The following TMEM154 variants were observed in gnomAD, a reference collection of about 807,000 sequenced individuals.
TMEM154 encodes transmembrane protein 154.
Under a neutral mutation model 24.5 loss-of-function variants are expected in TMEM154, and 27 were observed. The observed-to-expected ratio is 1.10, with a 90% CI of 0.81 to 1.52. The LOEUF (loss-of-function observed/expected upper bound fraction) is 1.52, where lower values mean the gene tolerates loss of function less well. Among genes scored for constraint, TMEM154 ranks in the 40% most tolerant of loss-of-function variants. TMEM154 has a pLI of 0.00. For synonymous variants in TMEM154, 67 were observed against 76.8 expected (o/e 0.87, Z 0.67); for missense variants, 228 against 213.4 (o/e 1.07, Z -0.43).
In TMEM154 at chr4:152,679,924, G is replaced by A. The variant is rs780816816; in HGVS notation, c.10C>T (p.Pro4Ser). The change falls in exon 1 of 7, where the codon CCC (proline) becomes TCC (serine). Residue 4 changes from proline to serine, a missense_variant. Pro to Ser is a moderately conservative substitution (Grantham distance 74). Transcript: ENST00000304385. ...AGGGCGAAGACTAGGGCTGCGCGGG[G>A]AGCCTGCATGTCCGCTCGCCTCGGC... MQAPRAALVFALVI... is the reference protein window; with the variant it reads MQASRAALVFALVI... 49 of 1,610,024 alleles carry A rather than the reference G, an allele frequency of 3.0e-5. No homozygotes were observed. The highest frequency in any genetic ancestry group is 1.1e-4 in the South Asian group (10 of 90,058).
At chr4:152,643,027 C>T (rs1480578616) in intron 5 of TMEM154, 61 bp downstream of exon 5, 9 of 1,206,806 alleles carry the variant, frequency 7.5e-6, no homozygotes, top group Non-Finnish European at 1.1e-5. Flanking sequence ...ATTTATAAAG[C>T]TGTTGCAGCC....
At chr4:152,654,052 A>C (rs547990023) in intron 1 of TMEM154, among the ~76,000 whole-genome samples, 5 of 152,072 alleles carry the variant, frequency 3.3e-5, no homozygotes, top group Non-Finnish European at 5.9e-5. Context: ...AAAAAAAAGA[A>C]AAAGAAAAAA....
chr4:152,662,581 G>A (rs1412970276), intron 1 of TMEM154, among the ~76,000 whole-genome samples: 2 of 143,756 alleles, frequency 1.4e-5, no homozygotes, highest in African/African-American at 5.3e-5. Context: ...ACAAAAGTAT[G>A]GATGCGGAGG....
chr4:152,660,313 C>T (rs958504515), intron 1 of TMEM154, among the ~76,000 whole-genome samples: 8 of 151,934 alleles, frequency 5.3e-5, no homozygotes, highest in African/African-American at 9.7e-5. Flanking sequence ...GTGGTTGGTG[C>T]GGCTGATGGT....
At chr4:152,670,308 C>T (rs950148370) in intron 1 of TMEM154, among the ~76,000 whole-genome samples, 7 of 152,098 alleles carry the variant, frequency 4.6e-5, no homozygotes, top group African/African-American at 7.2e-5. Flanking sequence ...TTTGGGAGGC[C>T]GGGTGCGGTG....
intron 6 of TMEM154, among the ~76,000 whole-genome samples, chr4:152,636,643 C>T (rs12642676): frequency 0.8 from 122,015 of 152,182 alleles, 49,907 homozygotes; most frequent in East Asian, 0.97. Flanking sequence ...CCTGAGATTA[C>T]AGACCCTAAC....
intron 3 of TMEM154, chr4:152,646,452 GA>G (rs1419257464): frequency 6.4e-6 from 1 of 155,312 alleles, no homozygotes; most frequent in Admixed American, 6.4e-5. Context: ...GGCACACAAA[GA>G]GCAGAGCATT....
At chr4:152,664,374 TGG>T (rs201545894) in intron 1 of TMEM154, among the ~76,000 whole-genome samples, 7,684 of 98,312 alleles carry the variant, frequency 0.078, 259 homozygotes, top group Non-Finnish European at 0.1. Flanking sequence ...GGGCCTGTCG[TGG>T]CGGGGGGGTA....
chr4:152,672,913 A>G (rs192357336), intron 1 of TMEM154, among the ~76,000 whole-genome samples: 3 of 152,372 alleles, frequency 2.0e-5, no homozygotes, highest in East Asian at 1.9e-4. Context: ...ACTTATTTAT[A>G]TAAACATTAA....
At chr4:152,674,220 G>A (rs1245856359) in intron 1 of TMEM154, among the ~76,000 whole-genome samples, 1 of 152,096 alleles carries the variant, frequency 6.6e-6, no homozygotes, top group African/African-American at 2.4e-5. Context: ...CAACAAAGGT[G>A]TGGGCCCAGG....
In TMEM154 at chr4:152,620,512, T is replaced by C. The variant is rs1460004431; in HGVS notation, c.*8034A>G. On this transcript the variant is annotated 3_prime_UTR_variant, in exon 7 of 7. Coordinates refer to ENST00000304385, the MANE Select transcript of TMEM154 (RefSeq NM_152680.3). ...CTTGACAATGACTGAAACTTTTTTT[T>C]GTTTGTTTTTTTGTTGTTTTTTTTT... The C allele has an allele frequency of 1.9e-5, 2 of 107,542 alleles. No individual in the cohort carries two copies. Among genetic ancestry groups the C allele is most frequent in the Non-Finnish European group, 3.9e-5 (2 of 51,000 alleles). 6.7% of individuals were successfully genotyped at this position (107,542 alleles called of 1,614,324 possible). A position where few individuals can be genotyped will look rare whatever the true frequency, so the allele number is the denominator to read the frequency against.
chr4:152,640,629 T>C (rs1228482062), intron 6 of TMEM154, among the ~76,000 whole-genome samples: 3 of 152,206 alleles, frequency 2.0e-5, no homozygotes, highest in Admixed American at 2.0e-4. Context: ...CAGTTTGTCA[T>C]AATTGGAAAG....
chr4:152,646,185 G>T (rs1293302230), intron 3 of TMEM154, among the ~76,000 whole-genome samples: 1 of 152,014 alleles, frequency 6.6e-6, no homozygotes, highest in African/African-American at 2.4e-5. Flanking sequence ...GTGGCTGCAT[G>T]GCCCCACCGT....
rs1044995350 is a variant in TMEM154, at chr4:152,620,371, A to T, written c.*8175T>A. 1.3e-5 allele frequency: 2 copies of T among 152,118 alleles called. No homozygotes were observed. Among genetic ancestry groups the T allele is most frequent in the Admixed American group, 1.3e-4 (2 of 15,276 alleles). 9.4% of individuals were successfully genotyped at this position (152,118 alleles called of 1,614,324 possible). ...TCTAAGCCCTGGCTTTTTTCTCAGC[A>T]TGATAGACCATTACTTCTGGGCCTA... On this transcript the variant is annotated 3_prime_UTR_variant, in exon 7 of 7. Transcript: ENST00000304385.
chr4:152,654,106 C>G, intron 1 of TMEM154, among the ~76,000 whole-genome samples: 1 of 152,008 alleles, frequency 6.6e-6, no homozygotes, highest in East Asian at 1.9e-4. Flanking sequence ...GGACTACTGA[C>G]TTGATGACTA....
rs1410613972 is a variant in TMEM154, at chr4:152,620,448, G to A, written c.*8098C>T. 14 of 152,160 alleles carry A rather than the reference G, an allele frequency of 9.2e-5. No individual in the cohort carries two copies. Among genetic ancestry groups the A allele is most frequent in the African/African-American group, 3.4e-4 (14 of 41,386 alleles). 9.4% of individuals were successfully genotyped at this position (152,160 alleles called of 1,614,324 possible). A position where few individuals can be genotyped will look rare whatever the true frequency, so the allele number is the denominator to read the frequency against. ...CTTCTTATCTCAGCCTGCAGCCTCT[G>A]TTACTTCTTATCTCAGGCTATGCTC... On this transcript the variant is annotated 3_prime_UTR_variant, in exon 7 of 7. Transcript: ENST00000304385.
At chr4:152,635,706 A>G (rs4696142) in intron 6 of TMEM154, among the ~76,000 whole-genome samples, 114,140 of 152,162 alleles carry the variant, frequency 0.75, 43,550 homozygotes, top group South Asian at 0.93. Context: ...ACTATAGAAT[A>G]AACAGTAGAA....
chr4:152,660,496 G>A (rs1036808840), intron 1 of TMEM154, among the ~76,000 whole-genome samples: 2 of 151,742 alleles, frequency 1.3e-5, no homozygotes, highest in African/African-American at 2.4e-5. Context: ...CCTTGTACCC[G>A]GATTATCGAT....
chr4:152,641,295 G>A (rs1455895055), intron 5 of TMEM154: 4 of 290,666 alleles, frequency 1.4e-5, no homozygotes, highest in Non-Finnish European at 2.5e-5. Flanking sequence ...CATGTCTCAG[G>A]ATAGACAGTG....
Sources: allele counts gnomAD v4.1 joint callset (sites outside exome capture counted in the v4.1 genomes callset), GRCh38; gene constraint gnomAD v4.1.1; transcripts MANE v1.5; gene names NCBI Gene and HGNC (gene_info 2026-07-23, HGNC 2026-07-21).